Variants in CFAP95 observed in about 807,000 individuals in gnomAD.
The protein encoded by CFAP95 is cilia and flagella associated protein 95.
At chr9:69,855,783 C>T in the CFAP95 span, among the ~76,000 whole-genome samples, 1 of 152,160 alleles carries the variant, frequency 6.6e-6, no homozygotes, top group Non-Finnish European at 1.5e-5. Context: ...GATACTCTTG[C>T]AGTTGAAGGC....
the CFAP95 span, chr9:69,858,302 A>G: frequency 3.2e-6 from 1 of 315,966 alleles, no homozygotes. Context: ...ATGGTAAAAA[A>G]GGGAAGGCAC....
the CFAP95 span, among the ~76,000 whole-genome samples, chr9:69,837,868 T>G: frequency 6.6e-6 from 1 of 152,210 alleles, no homozygotes; most frequent in Non-Finnish European, 1.5e-5. Context: ...GTTTTAGGTC[T>G]AACGTTTAAG....
At chr9:69,892,467 G>T in the CFAP95 span, among the ~76,000 whole-genome samples, 3 of 152,140 alleles carry the variant, frequency 2.0e-5, no homozygotes, top group Non-Finnish European at 2.9e-5. Context: ...GTTTAATGAG[G>T]CTCTTTCACC....
the CFAP95 span, among the ~76,000 whole-genome samples, chr9:69,841,164 T>TTA: frequency 0.019 from 1,092 of 56,008 alleles, 38 homozygotes; most frequent in African/African-American, 0.031. Flanking sequence ...CCAAGCTGGA[T>TTA]TATATATATA....
chr9:69,888,081 G>A, the CFAP95 span, among the ~76,000 whole-genome samples: 1 of 152,124 alleles, frequency 6.6e-6, no homozygotes, highest in Non-Finnish European at 1.5e-5. Context: ...TAGGGAACTG[G>A]AAAACTAAAC....
At chr9:69,834,195 G>A in the CFAP95 span, among the ~76,000 whole-genome samples, 1 of 152,164 alleles carries the variant, frequency 6.6e-6, no homozygotes, top group South Asian at 2.1e-4. Context: ...CTAATGTACA[G>A]TGCCCCTTAA....
At chr9:69,822,914 G>T in the CFAP95 span, among the ~76,000 whole-genome samples, 25,425 of 152,142 alleles carry the variant, frequency 0.17, 2,646 homozygotes, top group Admixed American at 0.25. Context: ...ACATGTTGGG[G>T]ACATAGAGGT....
At chr9:69,905,188 A>G in the CFAP95 span, among the ~76,000 whole-genome samples, 1 of 152,196 alleles carries the variant, frequency 6.6e-6, no homozygotes, top group Non-Finnish European at 1.5e-5. Flanking sequence ...GACAAAACCC[A>G]TCTAAGATTG....
At chr9:69,826,195 T>A in the CFAP95 span, among the ~76,000 whole-genome samples, 17 of 152,300 alleles carry the variant, frequency 1.1e-4, no homozygotes, top group South Asian at 3.5e-3. Context: ...CCCACCCTAC[T>A]GCACTGTTTG....
At chr9:69,893,355 A>G in the CFAP95 span, among the ~76,000 whole-genome samples, 11 of 152,242 alleles carry the variant, frequency 7.2e-5, no homozygotes, top group Non-Finnish European at 1.5e-4. Flanking sequence ...GGTGCCTTGA[A>G]AAGAAGACAA....
chr9:69,848,847 A>G, the CFAP95 span, among the ~76,000 whole-genome samples: 2 of 152,324 alleles, frequency 1.3e-5, no homozygotes, highest in South Asian at 4.1e-4. Context: ...TTGGGACAAA[A>G]GTAGCCAGAG....
the CFAP95 span, among the ~76,000 whole-genome samples, chr9:69,835,169 T>C: frequency 1.7e-4 from 26 of 152,260 alleles, no homozygotes; most frequent in Middle Eastern, 3.2e-3. Flanking sequence ...ACCAGCTTTA[T>C]ATCAGAAAAT....
the CFAP95 span, chr9:69,884,432 AG>A: frequency 6.6e-6 from 1 of 152,190 alleles, no homozygotes. Flanking sequence ...CAGCCAGTGT[AG>A]GAGTTTTGAC....
the CFAP95 span, among the ~76,000 whole-genome samples, chr9:69,902,679 GTT>G: frequency 2.1e-5 from 3 of 145,052 alleles, no homozygotes; most frequent in African/African-American, 5.0e-5. Context: ...TGGTATACCT[GTT>G]TTTTTTTTTC....
chr9:69,884,169 A>C, the CFAP95 span, among the ~76,000 whole-genome samples: 3 of 152,218 alleles, frequency 2.0e-5, no homozygotes, highest in African/African-American at 7.2e-5. Flanking sequence ...TGAGAAGTAC[A>C]TATTTTAATT....
the CFAP95 span, among the ~76,000 whole-genome samples, chr9:69,846,992 CAGAG>C: frequency 1.1e-4 from 16 of 152,230 alleles, no homozygotes; most frequent in South Asian, 2.9e-3. Context: ...GGGAACCACT[CAGAG>C]AGATTAATAT....
chr9:69,902,108 C>T, the CFAP95 span: 3 of 249,292 alleles, frequency 1.2e-5, no homozygotes, highest in Non-Finnish European at 1.6e-5. Context: ...TGCCATCATT[C>T]TCATTCGTCT....
the CFAP95 span, among the ~76,000 whole-genome samples, chr9:69,826,992 C>T: frequency 1.3e-5 from 2 of 152,110 alleles, no homozygotes; most frequent in Admixed American, 6.5e-5. Flanking sequence ...GATGCAATAG[C>T]ATAACATGGA....
the CFAP95 span, among the ~76,000 whole-genome samples, chr9:69,839,553 A>T: frequency 6.6e-6 from 1 of 151,868 alleles, no homozygotes; most frequent in South Asian, 2.1e-4. Context: ...CAGGCCTCTG[A>T]GTAGCTGGGA....
Sources: allele counts gnomAD v4.1 joint callset (sites outside exome capture counted in the v4.1 genomes callset), GRCh38; gene constraint gnomAD v4.1.1; transcripts MANE v1.5; gene names NCBI Gene and HGNC (gene_info 2026-07-23, HGNC 2026-07-21).